GSTCD: variants seen among roughly 807,000 people sequenced by gnomAD.
The protein encoded by GSTCD is glutathione S-transferase C-terminal domain-containing protein.
Under a neutral mutation model 68.3 loss-of-function variants are expected in GSTCD, and 44 were observed. The observed-to-expected ratio is 0.64, with a 90% confidence interval of 0.51 to 0.83. The LOEUF is 0.83. Ranked by LOEUF, GSTCD falls within the 40% of genes least tolerant of loss-of-function variation. The pLI is 0.00. For synonymous variants in GSTCD, 273 were observed against 255.2 expected (o/e 1.07, Z -0.67); for missense variants, 739 against 735.9 (o/e 1.00, Z -0.05).
intron 5 of GSTCD, among the ~76,000 whole-genome samples, chr4:105,797,751 A>C (rs2149259806): frequency 6.7e-6 from 1 of 148,668 alleles, no homozygotes. Context: ...CATTTTACAC[A>C]CAATAGAACT....
intron 3 of GSTCD, among the ~76,000 whole-genome samples, chr4:105,719,887 C>T (rs1041184440): frequency 5.9e-5 from 9 of 151,592 alleles, no homozygotes; most frequent in Non-Finnish European, 1.3e-4. Flanking sequence ...AGGTCCAAGT[C>T]GGCTCTGTGG....
At chr4:105,817,603 A>C (rs72673832) in intron 5 of GSTCD, among the ~76,000 whole-genome samples, 1 of 151,786 alleles carries the variant, frequency 6.6e-6, no homozygotes, top group African/African-American at 2.4e-5. Context: ...AAAATGTAAA[A>C]TTAAAATAAC....
chr4:105,776,107 G>A (rs1025746379), intron 5 of GSTCD, among the ~76,000 whole-genome samples: 5 of 152,224 alleles, frequency 3.3e-5, no homozygotes, highest in African/African-American at 7.2e-5. Flanking sequence ...GGTGGGCTAC[G>A]CCCAGTTCTA....
intron 5 of GSTCD, among the ~76,000 whole-genome samples, chr4:105,775,558 A>G (rs1735023097): frequency 6.6e-6 from 1 of 151,926 alleles, no homozygotes. Flanking sequence ...GTTGATGTTG[A>G]TGCTATTCCT....
intron 1 of GSTCD, among the ~76,000 whole-genome samples, chr4:105,710,235 T>TA (rs200608396): frequency 0.044 from 5,769 of 129,746 alleles, 164 homozygotes; most frequent in Middle Eastern, 0.097. Context: ...CCCATCAATT[T>TA]TTTTTTTTTT....
chr4:105,762,103 C>G (rs965637981), intron 5 of GSTCD, among the ~76,000 whole-genome samples: 3 of 152,170 alleles, frequency 2.0e-5, no homozygotes, highest in Non-Finnish European at 4.4e-5. Context: ...AGTGTTTTCC[C>G]AAAGGAACTT....
At chr4:105,759,988 C>G (rs1292680196) in intron 5 of GSTCD, among the ~76,000 whole-genome samples, 1 of 151,962 alleles carries the variant, frequency 6.6e-6, no homozygotes. Flanking sequence ...ATTTCGCAGT[C>G]CTCTTTAGTA....
Position 105,726,733 on chromosome 4 carries a change from C to G in GSTCD, c.1049C>G (p.Thr350Ser), listed in dbSNP as rs753272463. The change falls in exon 4 of 12, where the codon ACT becomes AGT. Residue 350 changes from threonine to serine, a missense_variant. Coordinates refer to ENST00000515279, the MANE Select transcript of GSTCD (RefSeq NM_001370181.1). ...LHLPKLLTTS[T>S]EQHPNLCEVP... is the part of the protein sequence containing the mutation. ...TTACCAAAGTTGTTGACAACCTCAA[C>G]TGAACAGCATCCAAACTTATGTGAA... 1 of 1,613,798 alleles carries G rather than the reference C, an allele frequency of 6.2e-7. No individual in the cohort carries two copies. The highest frequency in any genetic ancestry group is 8.5e-7 in the Non-Finnish European group (1 of 1,179,882).
At chr4:105,743,322 T>C (rs1415933265) in intron 5 of GSTCD, among the ~76,000 whole-genome samples, 1 of 151,618 alleles carries the variant, frequency 6.6e-6, no homozygotes, top group Non-Finnish European at 1.5e-5. Flanking sequence ...ATGTACATGT[T>C]TTTTTTCTTC....
At chr4:105,721,348 T>C (rs1732853106) in intron 3 of GSTCD, among the ~76,000 whole-genome samples, 1 of 152,220 alleles carries the variant, frequency 6.6e-6, no homozygotes, top group Admixed American at 6.5e-5. Flanking sequence ...GCAAGCCTTT[T>C]TGCTTGCATT....
intron 5 of GSTCD, among the ~76,000 whole-genome samples, chr4:105,809,971 A>C (rs1260149091): frequency 6.6e-6 from 1 of 152,038 alleles, no homozygotes; most frequent in Non-Finnish European, 1.5e-5. Flanking sequence ...AAAGGTAACA[A>C]ATTTCTTAGA....
chr4:105,734,230 G>T (rs1733371655), intron 5 of GSTCD, among the ~76,000 whole-genome samples: 1 of 152,146 alleles, frequency 6.6e-6, no homozygotes, highest in Non-Finnish European at 1.5e-5. Context: ...TTGAATGTTG[G>T]CCTGCCTTGC....
chr4:105,746,101 A>G (rs1041863748), intron 5 of GSTCD: 2 of 152,198 alleles, frequency 1.3e-5, no homozygotes, highest in Non-Finnish European at 2.9e-5. Flanking sequence ...GAAAATCTGC[A>G]TATAACTTTT....
chr4:105,728,714 T>TAGATAC (rs1441921313), intron 4 of GSTCD, among the ~76,000 whole-genome samples: 1 of 141,880 alleles, frequency 7.0e-6, no homozygotes, highest in African/African-American at 2.5e-5. Flanking sequence ...GATATAGATA[T>TAGATAC]AGACTGTGTA....
intron 7 of GSTCD, among the ~76,000 whole-genome samples, chr4:105,825,233 G>T (rs1047463223): frequency 5.3e-5 from 8 of 151,978 alleles, no homozygotes; most frequent in Non-Finnish European, 8.8e-5. Flanking sequence ...GGGTTCAAGG[G>T]ATTCTCCTGC....
chr4:105,747,285 G>C (rs772444878), intron 5 of GSTCD, among the ~76,000 whole-genome samples: 5 of 152,256 alleles, frequency 3.3e-5, no homozygotes, highest in Admixed American at 6.5e-5. Flanking sequence ...TGCAGATGCT[G>C]CTTTGTCCTA....
At chr4:105,823,177 G>T in intron 6 of GSTCD, 54 bp from the exon 7 acceptor site, 1 of 1,600,796 alleles carries the variant, frequency 6.2e-7, no homozygotes, top group South Asian at 1.1e-5. Context: ...GTTTCAGAAT[G>T]AGGAAAAGCT....
At chr4:105,821,135 C>T (rs981858472) in intron 5 of GSTCD, 1 of 151,752 alleles carries the variant, frequency 6.6e-6, no homozygotes, top group Non-Finnish European at 1.5e-5. Context: ...TTCTTTTTGC[C>T]TTCTGACACC....
intron 5 of GSTCD, among the ~76,000 whole-genome samples, chr4:105,786,391 A>G (rs966758421): frequency 6.6e-6 from 1 of 152,050 alleles, no homozygotes; most frequent in Non-Finnish European, 1.5e-5. Flanking sequence ...TCGCACTTGT[A>G]GTCCCAGCTA....
Sources: allele counts gnomAD v4.1 joint callset (sites outside exome capture counted in the v4.1 genomes callset), GRCh38; gene constraint gnomAD v4.1.1; transcripts MANE v1.5; gene names NCBI Gene and HGNC (gene_info 2026-07-23, HGNC 2026-07-21).